DYNC1LI1: variants seen among roughly 807,000 people sequenced by gnomAD.
DYNC1LI1 encodes the protein cytoplasmic dynein 1 light intermediate chain 1.
DYNC1LI1 carries 19 observed loss-of-function variants against 63.8 expected under a neutral mutation model. That is an observed-to-expected ratio of 0.30 (90% CI 0.21 to 0.44). The LOEUF (loss-of-function observed/expected upper bound fraction) is 0.44. Among genes scored for constraint, DYNC1LI1 ranks in the 20% least tolerant of loss-of-function variants. The pLI is 1.00. For missense variants in DYNC1LI1, 565 were observed against 630.2 expected, an observed-to-expected ratio of 0.90 and a Z score of 1.11; for synonymous variants, 225 against 232.3, an observed-to-expected ratio of 0.97 and a Z score of 0.28.
intron 7 of DYNC1LI1, among the ~76,000 whole-genome samples, chr3:32,533,486 T>C (rs1697729499): frequency 6.6e-6 from 1 of 151,662 alleles, no homozygotes; most frequent in African/African-American, 2.4e-5. Context: ...TCAAAAAAGA[T>C]TACCAATATT....
chr3:32,549,821 GAA>G (rs1191817190), intron 2 of DYNC1LI1, among the ~76,000 whole-genome samples: 4 of 152,022 alleles, frequency 2.6e-5, no homozygotes, highest in South Asian at 2.1e-4. Context: ...TTAAAAAAGT[GAA>G]AAGACACCTT....
intron 5 of DYNC1LI1, among the ~76,000 whole-genome samples, chr3:32,538,439 G>A (rs942344932): frequency 3.9e-5 from 6 of 151,922 alleles, no homozygotes; most frequent in Admixed American, 6.6e-5. Context: ...GGTGGCTCAC[G>A]CCTGTAATCC....
At chr3:32,569,992 T>C in intron 2 of DYNC1LI1, 2 of 398,698 alleles carry the variant, frequency 5.0e-6, no homozygotes, top group South Asian at 4.7e-5. Context: ...AAGAGCCTCC[T>C]GCTACCAATT....
At chr3:32,564,334 C>T (rs1301059072) in intron 2 of DYNC1LI1, among the ~76,000 whole-genome samples, 1 of 151,834 alleles carries the variant, frequency 6.6e-6, no homozygotes, top group Non-Finnish European at 1.5e-5. Flanking sequence ...AACAAACAAG[C>T]AAACAAACAA....
intron 9 of DYNC1LI1, 52 bp from the exon 10 acceptor site, chr3:32,530,380 T>C: frequency 3.1e-6 from 5 of 1,591,132 alleles, no homozygotes; most frequent in Non-Finnish European, 4.3e-6. Flanking sequence ...TAGCATATAC[T>C]GGTGTATTTT....
chr3:32,565,076 G>A (rs1698241096), intron 2 of DYNC1LI1, among the ~76,000 whole-genome samples: 1 of 152,134 alleles, frequency 6.6e-6, no homozygotes, highest in Non-Finnish European at 1.5e-5. Context: ...TACCTTCAGA[G>A]AACAATATAG....
At chr3:32,527,519 T>G (rs1034136034) in intron 12 of DYNC1LI1, among the ~76,000 whole-genome samples, 5 of 152,090 alleles carry the variant, frequency 3.3e-5, no homozygotes, top group Non-Finnish European at 7.4e-5. Flanking sequence ...AATAAAAATG[T>G]GGCAAGGATA....
intron 2 of DYNC1LI1, chr3:32,566,857 C>G (rs1698267502): frequency 3.4e-6 from 1 of 293,140 alleles, no homozygotes. Flanking sequence ...AGGTTAGAAC[C>G]TACTTAAAAT....
intron 4 of DYNC1LI1, among the ~76,000 whole-genome samples, chr3:32,543,808 T>C (rs1364241408): frequency 2.0e-5 from 3 of 150,696 alleles, no homozygotes; most frequent in Non-Finnish European, 3.0e-5. Context: ...CTCATGCCTG[T>C]AATCCCAGCA....
At position 32,540,091 on chromosome 3, in the gene DYNC1LI1, G is replaced by A. The variant is rs147596531; in HGVS notation, c.738+946C>T. On this transcript the variant is annotated intron_variant, in intron 5 of 12. Transcript: ENST00000273130. Reference sequence around the variant, plus strand: ...TCACCGTTTTAGCCAGGATGGTCTCGATCTCCTGACCTCGTGATCCACCCG... The same window carrying A: ...TCACCGTTTTAGCCAGGATGGTCTCAATCTCCTGACCTCGTGATCCACCCG... Among the ~76,000 whole-genome samples the A allele has an allele frequency of 4.9e-3, 747 of 150,914 alleles. 2 individuals are homozygous for A. The highest frequency in any genetic ancestry group is 0.016 in the African/African-American group (674 of 41,144).
At position 32,541,333 on chromosome 3, in the gene DYNC1LI1, G is replaced by C. The variant is rs965717726; in HGVS notation, c.569-127C>G. The C allele has an allele frequency of 3.6e-5, 22 of 613,546 alleles. No homozygotes were observed. In the African/African-American group the frequency reaches 4.1e-4, roughly 11 times the overall value. 38.0% of individuals were successfully genotyped at this position (613,546 alleles called of 1,614,324 possible). On this transcript the variant is annotated intron_variant, in intron 4 of 12. Transcript: ENST00000273130. ...CTTGTGTAAGAGAAGAAACAAAAAGGGTTTGAGAAACCTATTTCAAAGAGA... is the reference window on the plus strand; with the variant it reads ...CTTGTGTAAGAGAAGAAACAAAAAGCGTTTGAGAAACCTATTTCAAAGAGA...
intron 5 of DYNC1LI1, among the ~76,000 whole-genome samples, chr3:32,537,541 G>T (rs1266974019): frequency 6.6e-6 from 1 of 151,858 alleles, no homozygotes; most frequent in Non-Finnish European, 1.5e-5. Context: ...CTTTGTTCCT[G>T]TGTTTATCTG....
intron 8 of DYNC1LI1, 52 bp from the exon 9 acceptor site, chr3:32,530,572 A>G: frequency 7.0e-7 from 1 of 1,427,206 alleles, no homozygotes; most frequent in Non-Finnish European, 9.8e-7. Context: ...TGCTAACACA[A>G]TTAATAATTT....
At chr3:32,560,265 T>C (rs1382440648) in intron 2 of DYNC1LI1, among the ~76,000 whole-genome samples, 2 of 151,528 alleles carry the variant, frequency 1.3e-5, no homozygotes, top group African/African-American at 2.4e-5. Context: ...TGAAACCCCA[T>C]CTCTACTAAA....
At chr3:32,564,033 G>A (rs190214383) in intron 2 of DYNC1LI1, among the ~76,000 whole-genome samples, 2 of 152,268 alleles carry the variant, frequency 1.3e-5, no homozygotes, top group Admixed American at 6.5e-5. Context: ...ATGTGCTGTG[G>A]GTCATACCTA....
At position 32,526,678 on chromosome 3, in the gene DYNC1LI1, C is replaced by CACAT; in HGVS notation, c.*120_*121insATGT. Reference sequence around the variant, plus strand: ...CCACACACACACACACACACACACACGACATAAATTTAGTCCATCTGAAGA... The same window carrying CACAT: ...CCACACACACACACACACACACACACACATGACATAAATTTAGTCCATCTGAAGA... On this transcript the variant is annotated 3_prime_UTR_variant, in exon 13 of 13. Coordinates refer to ENST00000273130, the MANE Select transcript of DYNC1LI1 (RefSeq NM_016141.4). 1 of 693,962 alleles carries CACAT rather than the reference C, an allele frequency of 1.4e-6. No individual in the cohort carries two copies. The highest frequency in any genetic ancestry group is 2.5e-6 in the Non-Finnish European group (1 of 399,742). The allele number at this position is 693,962 out of a possible 1,614,324, so 43.0% of individuals were successfully genotyped here.
At chr3:32,540,191 A>C (rs1373872946) in intron 5 of DYNC1LI1, among the ~76,000 whole-genome samples, 3 of 152,026 alleles carry the variant, frequency 2.0e-5, no homozygotes, top group Non-Finnish European at 4.4e-5. Context: ...TTTTTAAAGG[A>C]AACTTAATTT....
chr3:32,528,152 AATATTGATACAT>A (rs1345248507), intron 12 of DYNC1LI1, among the ~76,000 whole-genome samples: 1 of 148,390 alleles, frequency 6.7e-6, no homozygotes, highest in African/African-American at 2.5e-5. Flanking sequence ...AAAGAAATGA[AATATTGATACAT>A]ATTACAACAT....
rs749564113 is a variant in DYNC1LI1, at chr3:32,534,598, T to G, written c.881A>C (p.Asp294Ala). 3 of 1,590,158 alleles carry G rather than the reference T, an allele frequency of 1.9e-6. No homozygotes were observed. Among genetic ancestry groups the G allele is most frequent in the East Asian group, 4.5e-5 (2 of 44,628 alleles). Residue 294 changes from aspartate (D) to alanine (A), a missense_variant, in exon 7 of 13, where the codon GAC (aspartate) becomes GCC (alanine). By Grantham distance (126) the Asp-to-Ala change is moderately radical. Transcript: ENST00000273130. ...YTSVKENKNI[D>A]LVYKYIVQKL... ...CTGAACGATGTATTTATATACTAAG[T>G]CTATATTTTTGTTTTCTTTTACTGA...
Sources: gnomAD v4.1 joint callset for allele counts (sites outside exome capture counted in the v4.1 genomes callset) on GRCh38, gnomAD v4.1.1 for gene constraint, MANE v1.5 for transcripts, NCBI Gene and HGNC (gene_info 2026-07-23, HGNC 2026-07-21) for gene names.